The following EVI5L variants were observed in gnomAD, a reference collection of about 807,000 sequenced individuals.
EVI5L encodes the protein ecotropic viral integration site 5 like.
EVI5L carries 30 observed loss-of-function variants against 106.1 expected under a neutral mutation model. The observed-to-expected ratio is 0.28, with a 90% confidence interval of 0.21 to 0.38. EVI5L has a LOEUF of 0.38. Ranked by LOEUF, EVI5L falls within the 10% of genes least tolerant of loss-of-function variation. The pLI, the probability that EVI5L is intolerant of heterozygous loss-of-function variation, is 1.00. For missense variants in EVI5L, 809 were observed against 1,098.0 expected (o/e 0.74, Z 3.72); for synonymous variants, 489 against 483.3 (o/e 1.01, Z -0.15).
chr19:7,842,498 A>G (rs28971089), intron 1 of EVI5L, among the ~76,000 whole-genome samples: 1 of 63,484 alleles, frequency 1.6e-5, no homozygotes, highest in African/African-American at 5.3e-5. Flanking sequence ...GGATGTGTGA[A>G]AGTGTGTGTA....
At chr19:7,851,326 C>T in intron 6 of EVI5L, 108 bp from the exon 7 acceptor site, 2 of 1,368,246 alleles carry the variant, frequency 1.5e-6, no homozygotes, top group East Asian at 2.4e-5. Flanking sequence ...TCAGGCTGCC[C>T]AGCGCAGGTC....
rs919399779 is a variant in EVI5L at position 7,857,523 on chromosome 19, C to G, written c.1233+399C>G. 3.1e-6 allele frequency: 1 copy of G among 318,534 alleles called. No individual in the cohort carries two copies. Among genetic ancestry groups the G allele is most frequent in the Admixed American group, 4.5e-5 (1 of 22,036 alleles). 19.7% of individuals were successfully genotyped at this position (318,534 alleles called of 1,614,324 possible). A position where few individuals can be genotyped will look rare whatever the true frequency, so the allele number is the denominator to read the frequency against. On this transcript the variant is annotated intron_variant, in intron 12 of 19. Coordinates refer to ENST00000538904, the MANE Select transcript of EVI5L (RefSeq NM_001159944.3). This position sits in a 1 kb window ranked among gnomAD's most constrained non-coding sequence, Gnocchi z 4.5. ...ACACACACGCACACACACGCCCGGC[C>G]CTCACGCTGCTGCTCTCTGCTCCTA...
At chr19:7,853,493 A>G in intron 10 of EVI5L, 160 bp downstream of exon 10, 1 of 951,618 alleles carries the variant, frequency 1.1e-6, no homozygotes, top group Non-Finnish European at 1.6e-6. Context: ...GCCGTCCTTC[A>G]CCTGTTAGGC....
In EVI5L at chr19:7,830,305, A is replaced by G. The variant is rs1369912989; in HGVS notation, c.-124A>G. 1 of 151,076 alleles carries G rather than the reference A, an allele frequency of 6.6e-6. No homozygotes were observed. The highest frequency in any genetic ancestry group is 1.9e-4 in the East Asian group (1 of 5,154). The allele number at this position is 151,076 out of a possible 1,614,324, so 9.4% of individuals were successfully genotyped here. A position where few individuals can be genotyped will look rare whatever the true frequency, so the allele number is the denominator to read the frequency against. On this transcript the variant is annotated 5_prime_UTR_variant, in exon 1 of 20. Coordinates refer to ENST00000538904, the MANE Select transcript of EVI5L (RefSeq NM_001159944.3). ...GGGGCCGGGCCGGGGCTGCGGGGCG[A>G]ACGGCGCGGCTAGGATCCGGCGGCT...
In EVI5L at chr19:7,863,004, G is replaced by A. The variant is rs1316182737; in HGVS notation, c.1980G>A (p.Arg660=). 1.3e-6 allele frequency: 2 copies of A among 1,580,692 alleles called. No individual in the cohort carries two copies. The highest frequency in any genetic ancestry group is 1.1e-5 in the South Asian group (1 of 87,426). Residue 660 remains arginine (R), a synonymous_variant, in exon 18 of 20, where the codon CGG becomes CGA. Coordinates refer to ENST00000538904, the MANE Select transcript of EVI5L (RefSeq NM_001159944.3). This position sits in a 1 kb window ranked among gnomAD's most constrained non-coding sequence, Gnocchi z 7.7. Reference sequence around the variant, plus strand: ...AGGAGGTGATGGCTGTGCGACTGCGGGAGGCGGACAGCATGGCTGCGGTGG... The same window carrying A: ...AGGAGGTGATGGCTGTGCGACTGCGAGAGGCGGACAGCATGGCTGCGGTGG... The part of the protein sequence containing the change: ...SKEEVMAVRL[R]EADSMAAVAE...
Position 7,853,139 on chromosome 19 carries a change from C to A in EVI5L, c.1041C>A (p.Val347=). 6.2e-7 allele frequency: 1 copy of A among 1,613,974 alleles called. No homozygotes were observed. Among genetic ancestry groups the A allele is most frequent in the South Asian group, 1.1e-5 (1 of 91,074 alleles). The change falls in exon 9 of 20, where the codon GTC becomes GTA. Residue 347 remains valine (V), a synonymous_variant. Transcript: ENST00000538904. The part of the protein sequence containing the change: ...HQFDSCPDKL[V]LKAYQVKYNP... The stretch of plus-strand genomic sequence containing the variant: ...TCGACAGCTGCCCGGACAAGCTGGT[C>A]CTCAAAGCCTACCAGGTCAAGTACA...
intron 2 of EVI5L, among the ~76,000 whole-genome samples, chr19:7,847,070 T>C (rs1486520443): frequency 6.6e-6 from 1 of 152,142 alleles, no homozygotes; most frequent in Non-Finnish European, 1.5e-5. Flanking sequence ...GGCAGACGGA[T>C]CACTTGAGGT....
In EVI5L at chr19:7,853,119, A is replaced by G; in HGVS notation, c.1021A>G (p.Ser341Gly). 1.2e-6 allele frequency: 2 copies of G among 1,613,974 alleles called. No homozygotes were observed. The highest frequency in any genetic ancestry group is 1.7e-6 in the Non-Finnish European group (2 of 1,180,032). ...GAGAGTGATCCCCCACCAGTTCGACAGCTGCCCGGACAAGCTGGTCCTCAA... is the reference window on the plus strand; with the variant it reads ...GAGAGTGATCCCCCACCAGTTCGACGGCTGCCCGGACAAGCTGGTCCTCAA... ...FQRVIPHQFDSCPDKLVLKAY... is the reference protein window; with the variant it reads ...FQRVIPHQFDGCPDKLVLKAY... The change falls in exon 9 of 20, where the codon AGC (serine) becomes GGC (glycine). Residue 341 changes from serine to glycine, a missense_variant. Coordinates refer to ENST00000538904, the MANE Select transcript of EVI5L (RefSeq NM_001159944.3).
rs958838200 is a variant in EVI5L, at chr19:7,863,839, G to A, written c.*137G>A. On this transcript the variant is annotated 3_prime_UTR_variant, in exon 20 of 20. Transcript: ENST00000538904. The surrounding 1 kb of genome is among the most constrained non-coding windows in gnomAD (Gnocchi z 7.7). ...CTCGGCCACCCCTAAAGCGAGGCCC[G>A]GCGAGGCAGCGCAGAGGGTAGGGTC... 3 of 1,261,562 alleles carry A rather than the reference G, an allele frequency of 2.4e-6. No homozygotes were observed. Among genetic ancestry groups the A allele is most frequent in the Non-Finnish European group, 2.1e-6 (2 of 956,356 alleles). 78.1% of individuals were successfully genotyped at this position (1,261,562 alleles called of 1,614,324 possible). A position where few individuals can be genotyped will look rare whatever the true frequency, so the allele number is the denominator to read the frequency against.
intron 1 of EVI5L, among the ~76,000 whole-genome samples, chr19:7,831,611 G>A (rs1001640530): frequency 7.2e-5 from 11 of 152,208 alleles, no homozygotes; most frequent in African/African-American, 2.7e-4. Context: ...CTTCCCTGCT[G>A]TGCCCTTTCA....
chr19:7,835,462 C>A lies in EVI5L; in HGVS notation c.-48+5081C>A, dbSNP rs551969967. 1.8e-3 allele frequency among the ~76,000 whole-genome samples: 279 copies of A among 151,478 alleles called. 2 individuals are homozygous for A. The highest frequency in any genetic ancestry group is 3.3e-3 in the Non-Finnish European group (223 of 67,774). ...GGCAAAGGCTGCAGTGAGCCAAGATCGTGCCACTGCACTCCAGCCTGGGTG... is the reference window on the plus strand; with the variant it reads ...GGCAAAGGCTGCAGTGAGCCAAGATAGTGCCACTGCACTCCAGCCTGGGTG... On this transcript the variant is annotated intron_variant, in intron 1 of 19. Coordinates refer to ENST00000538904, the MANE Select transcript of EVI5L (RefSeq NM_001159944.3). This position sits in a 1 kb window ranked among gnomAD's most constrained non-coding sequence, Gnocchi z 4.1.
intron 1 of EVI5L, among the ~76,000 whole-genome samples, chr19:7,842,974 TATGG>T: frequency 3.5e-5 from 1 of 28,894 alleles, no homozygotes; most frequent in Non-Finnish European, 6.9e-5. Context: ...AACGTGTGAC[TATGG>T]ATGAGCACGT....
chr19:7,860,627 C>T lies in EVI5L; in HGVS notation c.1441C>T (p.Arg481Trp), dbSNP rs1446487731. 6.3e-7 allele frequency: 1 copy of T among 1,597,972 alleles called. No homozygotes were observed. The highest frequency in any genetic ancestry group is 1.7e-5 in the Admixed American group (1 of 57,804). ...GACCGAGCTGGAGCAGTCGAGGCTG[C>T]GGGAGACGGAGACACTGGGGGCCCT... ...LETELEQSRL[R>W]ETETLGALRE... The change falls in exon 14 of 20, where the codon CGG becomes TGG. Residue 481 changes from arginine (R) to tryptophan (W), a missense_variant. Arg to Trp is a moderately radical substitution (Grantham distance 101, BLOSUM62 -3). Coordinates refer to ENST00000538904, the MANE Select transcript of EVI5L (RefSeq NM_001159944.3).
chr19:7,860,250 C>G (rs11671002), intron 13 of EVI5L, among the ~76,000 whole-genome samples: 53,587 of 152,094 alleles, frequency 0.35, 10,211 homozygotes, highest in South Asian at 0.65. Context: ...GAACCCATCT[C>G]CCACCCTCAC....
chr19:7,842,643 ATG>A (rs1260934685), intron 1 of EVI5L, among the ~76,000 whole-genome samples: 20 of 148,052 alleles, frequency 1.4e-4, no homozygotes, highest in Non-Finnish European at 2.8e-4. Context: ...AAATATGTGA[ATG>A]TGGGTGTTTA....
intron 1 of EVI5L, among the ~76,000 whole-genome samples, chr19:7,842,306 G>A (rs1417674351): frequency 1.3e-5 from 2 of 152,038 alleles, no homozygotes; most frequent in Non-Finnish European, 1.5e-5. Context: ...GTGTGTGCGT[G>A]TGTGAGAATG....
chr19:7,843,861 C>A (rs1225471100), intron 1 of EVI5L, among the ~76,000 whole-genome samples: 1 of 151,846 alleles, frequency 6.6e-6, no homozygotes, highest in East Asian at 1.9e-4. Context: ...AGGATGGTTT[C>A]CACTGAGAGA....
rs1186036726 is a variant in EVI5L at position 7,835,931 on chromosome 19, G to A, written c.-48+5550G>A. 1.3e-5 allele frequency among the ~76,000 whole-genome samples: 2 copies of A among 152,038 alleles called. No homozygotes were observed. Among genetic ancestry groups the A allele is most frequent in the African/African-American group, 4.8e-5 (2 of 41,386 alleles). ...TGTGTCCCTGGTAATCATTAGACAT[G>A]GAGGAATCAGAAATGGGGGGTAGGG... On this transcript the variant is annotated intron_variant, in intron 1 of 19. Transcript: ENST00000538904. This position sits in a 1 kb window ranked among gnomAD's most constrained non-coding sequence, Gnocchi z 4.1.
rs1399564766 is a variant in EVI5L, at chr19:7,862,888, C to T, written c.1948-84C>T. On this transcript the variant is annotated intron_variant, in intron 17 of 19. Coordinates refer to ENST00000538904, the MANE Select transcript of EVI5L (RefSeq NM_001159944.3). ...GCCTCCGCCCGCGGCCCCGCCTCCT[C>T]ATTCGCCCCTGCCCGCGGTCCCGCC... 5.1e-6 allele frequency: 5 copies of T among 984,678 alleles called. No homozygotes were observed. The Admixed American group carries it at 7.7e-5, about 15-fold the overall frequency. The allele number at this position is 984,678 out of a possible 1,614,324, so 61.0% of individuals were successfully genotyped here.
Sources: gnomAD v4.1 joint callset for allele counts (sites outside exome capture counted in the v4.1 genomes callset) on GRCh38, gnomAD v4.1.1 for gene constraint, Gnocchi (gnomAD v3.1) non-coding constraint, MANE v1.5 for transcripts, NCBI Gene and HGNC (gene_info 2026-07-23, HGNC 2026-07-21) for gene names.